AOPEP: variants seen among roughly 807,000 people sequenced by gnomAD.
The protein encoded by AOPEP is aminopeptidase O.
In AOPEP, 77 loss-of-function variants were observed where a neutral mutation model predicts 98.1. The observed-to-expected ratio is 0.78, with a 90% CI of 0.65 to 0.95. The LOEUF is 0.95. Ranked by LOEUF, AOPEP falls within the 40% of genes least tolerant of loss-of-function variation. The pLI is 0.00. For synonymous variants in AOPEP, 346 were observed against 365.3 expected, an observed-to-expected ratio of 0.95 and a Z score of 0.60; for missense variants, 1,024 against 1,024.7, an observed-to-expected ratio of 1.00 and a Z score of 0.01.
chr9:94,859,114 C>A (rs2044620564), intron 5 of AOPEP, among the ~76,000 whole-genome samples: 1 of 151,648 alleles, frequency 6.6e-6, no homozygotes, highest in Non-Finnish European at 1.5e-5. Flanking sequence ...GAGACTCTGT[C>A]TCAAAGCAAA....
chr9:95,110,055 G>A, the AOPEP span, among the ~76,000 whole-genome samples: 1 of 152,162 alleles, frequency 6.6e-6, no homozygotes, highest in African/African-American at 2.4e-5. Flanking sequence ...GTGACAGAAT[G>A]GGGGGAAGGG....
the AOPEP span, among the ~76,000 whole-genome samples, chr9:95,108,210 G>C: frequency 2.0e-5 from 3 of 152,122 alleles, no homozygotes. Context: ...TGGGTGTGTT[G>C]TGTGAGCTCC....
At chr9:95,070,077 C>T (rs1371482273) in intron 14 of AOPEP, among the ~76,000 whole-genome samples, 3 of 152,234 alleles carry the variant, frequency 2.0e-5, no homozygotes, top group African/African-American at 7.2e-5. Context: ...CTGATGTGAT[C>T]ACCACACAGT....
intron 5 of AOPEP, among the ~76,000 whole-genome samples, chr9:94,841,468 C>G (rs145388168): frequency 1.3e-5 from 2 of 152,302 alleles, no homozygotes; most frequent in African/African-American, 4.8e-5. Context: ...GCCAACGTGC[C>G]TGGCCACTCC....
rs2060142446 is a variant in AOPEP, at chr9:94,980,910, A to C, written c.1977+1483A>C. ...TCCTTCATGTTTCAGATGGGAGTGC[A>C]GGTGGTGGGGGACATTTGCTGAAGT... is the stretch of plus-strand genomic sequence containing the variant. On this transcript the variant is annotated intron_variant, in intron 11 of 16. Coordinates refer to ENST00000375315, the MANE Select transcript of AOPEP (RefSeq NM_001193329.3). This position sits in a 1 kb window ranked among gnomAD's most constrained non-coding sequence, Gnocchi z 4.3. Among the ~76,000 whole-genome samples the C allele has an allele frequency of 6.6e-6, 1 of 152,190 alleles. No individual in the cohort carries two copies. The highest frequency in any genetic ancestry group is 1.5e-5 in the Non-Finnish European group (1 of 68,016).
At chr9:95,121,113 C>CTT in the AOPEP span, among the ~76,000 whole-genome samples, 1 of 152,190 alleles carries the variant, frequency 6.6e-6, no homozygotes, top group Non-Finnish European at 1.5e-5. Flanking sequence ...TTTAAAAATA[C>CTT]TTTGCCTGGA....
the AOPEP span, among the ~76,000 whole-genome samples, chr9:95,115,836 C>A: frequency 1.3e-5 from 2 of 152,200 alleles, no homozygotes; most frequent in African/African-American, 2.4e-5. Flanking sequence ...CGCATTTCCT[C>A]CACTTGTAGT....
At chr9:95,062,579 C>T (rs1027414488) in intron 14 of AOPEP, among the ~76,000 whole-genome samples, 3 of 152,172 alleles carry the variant, frequency 2.0e-5, no homozygotes, top group Admixed American at 6.5e-5. Flanking sequence ...GTGGATGGGC[C>T]GGTACAGGCC....
the AOPEP span, among the ~76,000 whole-genome samples, chr9:95,128,204 T>C: frequency 6.6e-6 from 1 of 152,174 alleles, no homozygotes; most frequent in Non-Finnish European, 1.5e-5. Flanking sequence ...AATATAAAAG[T>C]TTCTATGTAT....
At chr9:95,060,011 T>C (rs564953911) in intron 13 of AOPEP, among the ~76,000 whole-genome samples, 7 of 152,376 alleles carry the variant, frequency 4.6e-5, no homozygotes, top group African/African-American at 1.7e-4. Flanking sequence ...TTTTGTACCA[T>C]GTTAAGACTA....
intron 5 of AOPEP, among the ~76,000 whole-genome samples, chr9:94,818,565 G>A (rs533959439): frequency 1.3e-3 from 204 of 152,338 alleles, no homozygotes; most frequent in African/African-American, 4.4e-3. Flanking sequence ...CTTCAAGGCT[G>A]TAGCTTGAAC....
chr9:95,005,934 A>G, intron 13 of AOPEP: 1 of 516,892 alleles, frequency 1.9e-6, no homozygotes. Flanking sequence ...CCTCTGAAAA[A>G]TGAAAAGTGT....
In AOPEP at chr9:94,798,829, A is replaced by G. The variant is rs113848751; in HGVS notation, c.1119-1928A>G. On this transcript the variant is annotated intron_variant, in intron 4 of 16. Coordinates refer to ENST00000375315, the MANE Select transcript of AOPEP (RefSeq NM_001193329.3). Reference sequence around the variant, plus strand: ...CTTTGCGAGACCTTTGACCACATTCATGCACAAGCACAGTACTTGTCATTA... The same window carrying G: ...CTTTGCGAGACCTTTGACCACATTCGTGCACAAGCACAGTACTTGTCATTA... Among the ~76,000 whole-genome samples the G allele has an allele frequency of 4.0e-3, 609 of 152,338 alleles. 2 individuals are homozygous for G. Among genetic ancestry groups the G allele is most frequent in the Non-Finnish European group, 5.8e-3 (396 of 68,030 alleles).
chr9:95,131,816 A>C, the AOPEP span, among the ~76,000 whole-genome samples: 1 of 152,128 alleles, frequency 6.6e-6, no homozygotes, highest in Non-Finnish European at 1.5e-5. Context: ...ATATTTTACC[A>C]AGGAGGAGCT....
At chr9:94,999,799 T>C (rs2061446708) in intron 11 of AOPEP, among the ~76,000 whole-genome samples, 1 of 152,090 alleles carries the variant, frequency 6.6e-6, no homozygotes, top group Non-Finnish European at 1.5e-5. Context: ...TGTGTGTGTG[T>C]GCATGCATGT....
intron 2 of AOPEP, among the ~76,000 whole-genome samples, chr9:94,770,464 G>A (rs1041881025): frequency 3.3e-5 from 5 of 152,182 alleles, no homozygotes; most frequent in African/African-American, 1.2e-4. Context: ...GGCCGGGGCT[G>A]CAGGTGTCTC....
intron 5 of AOPEP, among the ~76,000 whole-genome samples, chr9:94,860,525 C>A (rs189614295): frequency 5.3e-5 from 8 of 152,220 alleles, no homozygotes; most frequent in Admixed American, 5.2e-4. Context: ...TGTGTGGCCG[C>A]AATCCAGGCA....
In AOPEP at chr9:94,773,236, G is replaced by T. The variant is rs563789856; in HGVS notation, c.964+68G>T. 4.3e-6 allele frequency: 6 copies of T among 1,386,172 alleles called. No homozygotes were observed. The South Asian group carries it at 7.4e-5, about 17-fold the overall frequency. The allele number at this position is 1,386,172 out of a possible 1,614,324, so 85.9% of individuals were successfully genotyped here. Reference sequence around the variant, plus strand: ...TGTGGACCCAGGAACCCAATAAACAGTATTTTTCTAAACTTTAAAGAGCTC... The same window carrying T: ...TGTGGACCCAGGAACCCAATAAACATTATTTTTCTAAACTTTAAAGAGCTC... On this transcript the variant is annotated intron_variant, in intron 3 of 16. Transcript: ENST00000375315.
At chr9:94,998,957 A>G (rs2061397593) in intron 11 of AOPEP, among the ~76,000 whole-genome samples, 1 of 152,200 alleles carries the variant, frequency 6.6e-6, no homozygotes, top group South Asian at 2.1e-4. Context: ...ATATCTGCGT[A>G]GTATTATATA....
Sources: allele counts gnomAD v4.1 joint callset (sites outside exome capture counted in the v4.1 genomes callset), GRCh38; gene constraint gnomAD v4.1.1; non-coding constraint Gnocchi (gnomAD v3.1); transcripts MANE v1.5; gene names NCBI Gene and HGNC (gene_info 2026-07-23, HGNC 2026-07-21).